Variants in TNS3 observed in about 807,000 individuals in gnomAD.
TNS3 encodes the protein tensin 3.
TNS3 carries 45 observed loss-of-function variants against 140.9 expected under a neutral mutation model. That is an observed-to-expected ratio of 0.32 (90% CI 0.25 to 0.41). The LOEUF (loss-of-function observed/expected upper bound fraction) is 0.41, where lower values mean the gene tolerates loss of function less well. Ranked by LOEUF, TNS3 falls within the 10% of genes least tolerant of loss-of-function variation. The pLI, the probability that TNS3 is intolerant of heterozygous loss-of-function variation, is 1.00. For missense variants in TNS3, 1,716 were observed against 1,906.7 expected (o/e 0.90, Z 1.86); for synonymous variants, 815 against 788.4 (o/e 1.03, Z -0.56).
chr7:47,530,838 A>AAAATATATAT, intron 1 of TNS3, among the ~76,000 whole-genome samples: 79 of 54,552 alleles, frequency 1.4e-3, no homozygotes, highest in African/African-American at 5.5e-3. Flanking sequence ...AAAAAAAAAA[A>AAAATATATAT]ATATATATAT....
chr7:47,457,382 T>C (rs1469052398), intron 4 of TNS3, among the ~76,000 whole-genome samples: 1 of 152,122 alleles, frequency 6.6e-6, no homozygotes, highest in East Asian at 1.9e-4. Flanking sequence ...TGATATCTAA[T>C]TGACCTGATC....
intron 17 of TNS3, among the ~76,000 whole-genome samples, chr7:47,357,626 C>T (rs769559321): frequency 4.6e-5 from 7 of 152,178 alleles, no homozygotes; most frequent in Non-Finnish European, 7.3e-5. Context: ...AGGGTTCTGA[C>T]GGACATATCA....
At chr7:47,410,911 A>C (rs956423685) in intron 13 of TNS3, among the ~76,000 whole-genome samples, 2 of 152,232 alleles carry the variant, frequency 1.3e-5, no homozygotes, top group African/African-American at 4.8e-5. Context: ...GAAAGATAAA[A>C]GGCAAAAATG....
intron 1 of TNS3, among the ~76,000 whole-genome samples, chr7:47,578,789 G>C (rs756833601): frequency 2.6e-5 from 4 of 152,212 alleles, no homozygotes. Flanking sequence ...GCTTTTACGA[G>C]AAACGGATAG....
rs139183808 is a variant in TNS3 at position 47,379,336 on chromosome 7, T to C, written c.1025-9715A>G. On this transcript the variant is annotated intron_variant, in intron 16 of 30. Transcript: ENST00000311160. The stretch of plus-strand genomic sequence containing the variant: ...CTCGTTTTTTCCATGTGGACATTTA[T>C]AATTAGAGCATGTATAACCTCTCAC... 1.0e-3 allele frequency among the ~76,000 whole-genome samples: 156 copies of C among 152,374 alleles called. 1 individual carries two copies. The highest frequency in any genetic ancestry group is 3.4e-3 in the African/African-American group (141 of 41,590).
intron 16 of TNS3, among the ~76,000 whole-genome samples, chr7:47,388,997 AAGAAGGAAGAAGAAGAAGAAG>A (rs1792248948): frequency 2.2e-5 from 1 of 46,498 alleles, no homozygotes; most frequent in Non-Finnish European, 4.6e-5. Context: ...GAAGAAGAAG[AAGAAGGAAGAAGAAGAAGAAG>A]AAGAAGAAGA....
At chr7:47,382,989 A>G (rs1175701942) in intron 16 of TNS3, among the ~76,000 whole-genome samples, 9 of 152,200 alleles carry the variant, frequency 5.9e-5, no homozygotes, top group Admixed American at 4.6e-4. Flanking sequence ...GGGACTCCCT[A>G]AAGGCAGAAG....
At chr7:47,451,831 C>T (rs922247709) in intron 4 of TNS3, among the ~76,000 whole-genome samples, 1 of 152,228 alleles carries the variant, frequency 6.6e-6, no homozygotes. Context: ...TGGCAAATTT[C>T]AAGGCATTTA....
At chr7:47,316,581 C>A in intron 20 of TNS3, among the ~76,000 whole-genome samples, 1 of 148,012 alleles carries the variant, frequency 6.8e-6, no homozygotes, top group Non-Finnish European at 1.5e-5. Context: ...TCCTTATCTT[C>A]ACTTTGGGAG....
chr7:47,337,364 C>A (rs932468149), intron 20 of TNS3, among the ~76,000 whole-genome samples: 5 of 152,214 alleles, frequency 3.3e-5, no homozygotes, highest in African/African-American at 9.6e-5. Context: ...GGGGCTTATG[C>A]TGACTAAGGA....
chr7:47,391,199 G>A (rs914727457), intron 16 of TNS3, among the ~76,000 whole-genome samples: 7 of 152,148 alleles, frequency 4.6e-5, no homozygotes, highest in East Asian at 3.9e-4. Flanking sequence ...TGTCCTCTTC[G>A]TGAATCTCCT....
chr7:47,573,675 G>A (rs1291750274), intron 1 of TNS3, among the ~76,000 whole-genome samples: 1 of 152,108 alleles, frequency 6.6e-6, no homozygotes, highest in African/African-American at 2.4e-5. Flanking sequence ...GTTGACTCCA[G>A]ATAGAGCAAC....
In TNS3 at chr7:47,437,327, G is replaced by A. The variant is rs201496688; in HGVS notation, c.151-14C>T. The A allele has an allele frequency of 1.4e-3, 1,890 of 1,346,740 alleles. 1 individual carries two copies. The highest frequency in any genetic ancestry group is 1.7e-3 in the Non-Finnish European group (1,775 of 1,032,808). 83.4% of individuals were successfully genotyped at this position (1,346,740 alleles called of 1,614,324 possible). The stretch of plus-strand genomic sequence containing the variant: ...AAGGTTTAATACCTATAAAAGAGAG[G>A]AAAAATTGCCTTGCATAAAATAGAT... On this transcript the variant is annotated splice_polypyrimidine_tract_variant and intron_variant, in intron 6 of 30. Transcript: ENST00000311160.
chr7:47,550,837 T>C (rs1246953606), intron 1 of TNS3, among the ~76,000 whole-genome samples: 1 of 152,204 alleles, frequency 6.6e-6, no homozygotes, highest in East Asian at 1.9e-4. Context: ...TATTCACTTA[T>C]ATGGAAAACG....
At position 47,391,944 on chromosome 7, in the gene TNS3, A is replaced by C. The variant is rs868431662; in HGVS notation, c.1024+4856T>G. On this transcript the variant is annotated intron_variant, in intron 16 of 30. Coordinates refer to ENST00000311160, the MANE Select transcript of TNS3 (RefSeq NM_022748.12). ...GGTCTCGAGCACAAGACACACTCTG[A>C]GCCACAGCTGCCATCGCCGACAGTG... is the stretch of plus-strand genomic sequence containing the variant. Among the ~76,000 whole-genome samples the C allele has an allele frequency of 4.6e-5, 7 of 152,318 alleles. No homozygotes were observed. In the South Asian group the frequency reaches 1.5e-3, roughly 32 times the overall value.
chr7:47,286,487 C>A (rs1461027430), intron 27 of TNS3, among the ~76,000 whole-genome samples: 1 of 152,138 alleles, frequency 6.6e-6, no homozygotes, highest in Admixed American at 6.5e-5. Flanking sequence ...GACCCAAGAC[C>A]ATCCAATGCC....
At chr7:47,549,643 C>T (rs1800009976) in intron 1 of TNS3, among the ~76,000 whole-genome samples, 1 of 152,122 alleles carries the variant, frequency 6.6e-6, no homozygotes, top group African/African-American at 2.4e-5. Flanking sequence ...CCCCAGATCC[C>T]TGCTCAGTTT....
chr7:47,527,157 A>C (rs1425522014), intron 2 of TNS3, among the ~76,000 whole-genome samples: 1 of 152,140 alleles, frequency 6.6e-6, no homozygotes, highest in Non-Finnish European at 1.5e-5. Context: ...GAATGGCGTG[A>C]ACCTGGGAGG....
intron 4 of TNS3, among the ~76,000 whole-genome samples, chr7:47,463,390 A>C (rs1452699141): frequency 6.6e-6 from 1 of 152,154 alleles, no homozygotes; most frequent in Non-Finnish European, 1.5e-5. Flanking sequence ...GTTGCAGTGA[A>C]CCGAGATCAT....
Sources: allele counts gnomAD v4.1 joint callset (sites outside exome capture counted in the v4.1 genomes callset), GRCh38; gene constraint gnomAD v4.1.1; transcripts MANE v1.5; gene names NCBI Gene and HGNC (gene_info 2026-07-23, HGNC 2026-07-21).